TCIRG1: variants seen among roughly 807,000 people sequenced by gnomAD.
The protein encoded by TCIRG1 is T cell immune regulator 1, ATPase H+ transporting V0 subunit a3.
A neutral mutation model predicts 95.5 loss-of-function variants in TCIRG1; 86 were observed. That is an observed-to-expected ratio of 0.90 (90% CI 0.76 to 1.08). The LOEUF (loss-of-function observed/expected upper bound fraction) is 1.08, where lower values mean the gene tolerates loss of function less well. TCIRG1 is among the 50% of genes least tolerant of loss of function. The pLI is 0.00. For synonymous variants in TCIRG1, 499 were observed against 501.3 expected (o/e 1.00, Z 0.06); for missense variants, 1,069 against 1,140.2 (o/e 0.94, Z 0.90).
In TCIRG1 at chr11:68,047,577, G is replaced by T. The variant is rs1478212180; in HGVS notation, c.1305+5G>T. ...GTGAAGGCCGCGCAGAACGAGGTGA[G>T]GGGCGGGGCTGGGGTCCTGATGAGG... On this transcript the variant is annotated splice_donor_5th_base_variant and intron_variant, in intron 11 of 19. Transcript: ENST00000265686. 6.2e-7 allele frequency: 1 copy of T among 1,613,620 alleles called. No homozygotes were observed. Among genetic ancestry groups the T allele is most frequent in the Non-Finnish European group, 8.5e-7 (1 of 1,179,998 alleles).
chr11:68,051,277 T>C (rs1855789311), downstream of TCIRG1, among the ~76,000 whole-genome samples: 1 of 152,110 alleles, frequency 6.6e-6, no homozygotes, highest in African/African-American at 2.4e-5. Context: ...CAGTGCTCCA[T>C]GCAGGGCCAT....
At chr11:68,041,428 A>G (rs1450719726) in intron 2 of TCIRG1, 40 bp downstream of exon 2, 1 of 1,448,096 alleles carries the variant, frequency 6.9e-7, no homozygotes, top group South Asian at 1.1e-5. Flanking sequence ...GGCTACTGCC[A>G]AGGTTAGCCC....
At chr11:68,041,208 C>A in intron 1 of TCIRG1, 60 bp from the exon 2 acceptor site, 1 of 1,114,384 alleles carries the variant, frequency 9.0e-7, no homozygotes, top group Non-Finnish European at 1.4e-6. Context: ...CACAGGTGCC[C>A]GTGGTTGGGA....
rs368358193 is a variant in TCIRG1 at position 68,048,514 on chromosome 11, G to A, written c.1555-365G>A. Among the ~76,000 whole-genome samples the A allele has an allele frequency of 3.9e-5, 6 of 152,218 alleles. No homozygotes were observed. The South Asian group carries it at 6.2e-4, about 16-fold the overall frequency. The stretch of plus-strand genomic sequence containing the variant: ...TCACCATGTTGGCTAGGCTGGTCTC[G>A]AACTCCTGACCTCATGTGATCCACC... On this transcript the variant is annotated intron_variant, in intron 13 of 19. Coordinates refer to ENST00000265686, the MANE Select transcript of TCIRG1 (RefSeq NM_006019.4).
At chr11:68,045,330 C>A (rs991867481) in intron 10 of TCIRG1, among the ~76,000 whole-genome samples, 1 of 152,270 alleles carries the variant, frequency 6.6e-6, no homozygotes, top group Non-Finnish European at 1.5e-5. Context: ...GGAGCCGGCA[C>A]GGGCTTGTGC....
chr11:68,049,375 T>G, intron 15 of TCIRG1, 81 bp downstream of exon 15: 1 of 1,424,328 alleles, frequency 7.0e-7, no homozygotes, highest in South Asian at 1.3e-5. Context: ...AGCTGCAAGA[T>G]CCTCGTCCGA....
At position 68,044,303 on chromosome 11, in the gene TCIRG1, C is replaced by T. The variant is rs749361897; in HGVS notation, c.979C>T (p.Arg327Ter). The T allele has an allele frequency of 2.0e-5, 32 of 1,602,504 alleles. No homozygotes were observed. The highest frequency in any genetic ancestry group is 6.7e-5 in the East Asian group (3 of 44,446). ...CATTGCCGAGGCCTGGTGCTCTGTG[C>T]GAGACCTGCCCGCCCTGCAGGAGGC... ...CLIAEAWCSV[R>*]DLPALQEALR... The change falls in exon 9 of 20, where the codon CGA becomes TGA. Residue 327 changes from arginine (R) to a stop codon, truncating the protein, a stop_gained. Transcript: ENST00000265686. LOFTEE classifies it high-confidence loss of function.
intron 1 of TCIRG1, among the ~76,000 whole-genome samples, chr11:68,040,457 C>A (rs1487297679): frequency 6.6e-6 from 1 of 152,248 alleles, no homozygotes; most frequent in Non-Finnish European, 1.5e-5. Flanking sequence ...GTAAACCAGA[C>A]CCAGGGGAGG....
rs776421112 is a variant in TCIRG1 at position 68,043,637 on chromosome 11, C to G, written c.697C>G (p.Arg233Gly). ...GGGTGAGCAGATCGGACAGAAGATC[C>G]GCAAGATCACGGACTGGTGAGTCAC... ...YWGEQIGQKI[R>G]KITDCFHCHV... Residue 233 changes from arginine to glycine, a missense_variant, in exon 7 of 20, where the codon CGC becomes GGC. Transcript: ENST00000265686. 1.9e-6 allele frequency: 3 copies of G among 1,609,572 alleles called. No individual in the cohort carries two copies. The African/African-American group carries it at 4.0e-5, about 21-fold the overall frequency.
At chr11:68,050,387 C>T (rs1441992967) in intron 18 of TCIRG1, 100 bp from the exon 19 acceptor site, 8 of 1,607,004 alleles carry the variant, frequency 5.0e-6, no homozygotes, top group Non-Finnish European at 6.8e-6. Flanking sequence ...AGGTCCCTCG[C>T]TGGCCCCCCG....
Position 68,047,570 on chromosome 11 carries a change from G to A in TCIRG1, c.1303G>A (p.Glu435Lys), listed in dbSNP as rs1423051176. The change falls in exon 11 of 20, where the codon GAG (glutamate) becomes AAG (lysine). Residue 435 changes from glutamate to lysine, a missense_variant and splice_region_variant. Coordinates refer to ENST00000265686, the MANE Select transcript of TCIRG1 (RefSeq NM_006019.4). ...ACCGGCTGTGAAGGCCGCGCAGAAC[G>A]AGGTGAGGGGCGGGGCTGGGGTCCT... is the stretch of plus-strand genomic sequence containing the variant. ...NRPAVKAAQN[E>K]IWQTFFRGRY... 4.3e-6 allele frequency: 7 copies of A among 1,613,704 alleles called. No individual in the cohort carries two copies. The highest frequency in any genetic ancestry group is 3.3e-5 in the Admixed American group (2 of 60,028).
At chr11:68,051,073 T>C, downstream of TCIRG1, 1 of 568,422 alleles carries the variant, frequency 1.8e-6, no homozygotes, top group South Asian at 2.0e-5. Context: ...TTCCAGCACA[T>C]TCTAACTTGG....
chr11:68,040,316 T>C (rs1318346845), intron 1 of TCIRG1, among the ~76,000 whole-genome samples: 1 of 152,214 alleles, frequency 6.6e-6, no homozygotes, highest in Non-Finnish European at 1.5e-5. Flanking sequence ...TCCTTAGGGA[T>C]GGAACCCAGC....
At position 68,043,479 on chromosome 11, in the gene TCIRG1, G is replaced by A. The variant is rs368731151; in HGVS notation, c.612G>A (p.Pro204=). The A allele has an allele frequency of 1.3e-5, 21 of 1,562,026 alleles. No individual in the cohort carries two copies. Among genetic ancestry groups the A allele is most frequent in the African/African-American group, 4.1e-5 (3 of 73,702 alleles). The change falls in exon 6 of 20, where the codon CCG becomes CCA. Residue 204 remains proline (P), a synonymous_variant. Transcript: ENST00000265686. ...LIASFRELEQ[P]LEHPVTGEPA... ...CCAGCTTCAGGGAGCTGGAGCAGCC[G>A]CTGGAGCACCCCGTGACGGTGAGCA... is the stretch of plus-strand genomic sequence containing the variant.
intron 10 of TCIRG1, among the ~76,000 whole-genome samples, chr11:68,045,734 G>T (rs1435010738): frequency 6.6e-6 from 1 of 152,156 alleles, no homozygotes; most frequent in Non-Finnish European, 1.5e-5. Flanking sequence ...CATATTTTTA[G>T]TAGAGATGGG....
intron 10 of TCIRG1, among the ~76,000 whole-genome samples, 167 bp from the exon 11 acceptor site, chr11:68,047,266 C>A (rs1314858022): frequency 1.1e-5 from 1 of 93,714 alleles, no homozygotes; most frequent in Non-Finnish European, 2.4e-5. Flanking sequence ...CCCCCCCCCC[C>A]CGTCTCGGCC....
chr11:68,044,816 T>A (rs1201884273), intron 9 of TCIRG1, 142 bp from the exon 10 acceptor site: 2 of 1,042,804 alleles, frequency 1.9e-6, no homozygotes, highest in African/African-American at 3.2e-5. Context: ...GCAGGGCTGA[T>A]CATCTCACGT....
Position 68,049,729 on chromosome 11 carries a change from C to T in TCIRG1, c.1954C>T (p.Pro652Ser). 6.3e-7 allele frequency: 1 copy of T among 1,587,796 alleles called. No individual in the cohort carries two copies. The highest frequency in any genetic ancestry group is 8.5e-7 in the Non-Finnish European group (1 of 1,172,602). Reference sequence around the variant, plus strand: ...GGTGCCCATCCTGCTGCTTGGCACACCCCTGCACCTGCTGCACCGCCACCG... The same window carrying T: ...GGTGCCCATCCTGCTGCTTGGCACATCCCTGCACCTGCTGCACCGCCACCG... ...AMVPILLLGTPLHLLHRHRRR... is the reference protein window; with the variant it reads ...AMVPILLLGTSLHLLHRHRRR... Residue 652 changes from proline (P) to serine (S), a missense_variant, in exon 16 of 20, where the codon CCC becomes TCC. Coordinates refer to ENST00000265686, the MANE Select transcript of TCIRG1 (RefSeq NM_006019.4).
chr11:68,041,659 G>A, intron 2 of TCIRG1, 94 bp from the exon 3 acceptor site: 1 of 1,081,456 alleles, frequency 9.2e-7, no homozygotes, highest in Non-Finnish European at 1.4e-6. Flanking sequence ...GGAGGAGGCA[G>A]CTAAGGCCTG....
Sources: allele counts gnomAD v4.1 joint callset (sites outside exome capture counted in the v4.1 genomes callset), GRCh38; gene constraint gnomAD v4.1.1; transcripts MANE v1.5; gene names NCBI Gene and HGNC (gene_info 2026-07-23, HGNC 2026-07-21).